LRRC7: variants seen among roughly 807,000 people sequenced by gnomAD.
The protein encoded by LRRC7 is leucine-rich repeat-containing protein 7.
A neutral mutation model predicts 175.7 loss-of-function variants in LRRC7; 23 were observed. The observed-to-expected ratio is 0.13, with a 90% confidence interval of 0.09 to 0.19. The LOEUF (loss-of-function observed/expected upper bound fraction) is 0.19. LRRC7 is among the 10% of genes least tolerant of loss of function. The probability of loss-of-function intolerance (pLI) is 1.00; values close to 1 mark genes in which losing one functional copy is unlikely to be tolerated. For synonymous variants in LRRC7, 685 were observed against 680.9 expected (o/e 1.01, Z -0.09); for missense variants, 1,354 against 1,904.7 (o/e 0.71, Z 5.38).
At chr1:69,817,108 G>T (rs1300081388) in intron 4 of LRRC7, among the ~76,000 whole-genome samples, 2 of 151,854 alleles carry the variant, frequency 1.3e-5, no homozygotes, top group African/African-American at 4.8e-5. Context: ...ATTTTGTATA[G>T]TCCTACTTGC....
chr1:70,060,519 T>A (rs1187311856), intron 23 of LRRC7, among the ~76,000 whole-genome samples: 1 of 152,074 alleles, frequency 6.6e-6, no homozygotes, highest in Non-Finnish European at 1.5e-5. Context: ...GTCAAAAGGT[T>A]GGGGTGAATG....
intron 11 of LRRC7, among the ~76,000 whole-genome samples, chr1:69,996,915 G>A (rs1242227393): frequency 2.6e-5 from 4 of 152,096 alleles, no homozygotes; most frequent in Non-Finnish European, 5.9e-5. Context: ...CTTTCAAGTA[G>A]TTTTTTCCAA....
rs1287806460 is a variant in LRRC7, at chr1:69,690,330, A to G, written c.100+11852A>G. Among the ~76,000 whole-genome samples, 5 of 152,318 alleles carry G rather than the reference A, an allele frequency of 3.3e-5. No homozygotes were observed. The South Asian group carries it at 8.3e-4, about 25-fold the overall frequency. On this transcript the variant is annotated intron_variant, in intron 2 of 26. Coordinates refer to ENST00000651989, the MANE Select transcript of LRRC7 (RefSeq NM_001370785.2). ...AAGTCATAAAACTTCATTCAACATG[A>G]AAGTGTTTTCAGATCAATGGCCTCA...
intron 1 of LRRC7, among the ~76,000 whole-genome samples, chr1:69,637,238 G>A (rs940606611): frequency 6.6e-6 from 1 of 151,920 alleles, no homozygotes; most frequent in African/African-American, 2.4e-5. Flanking sequence ...GTCTTTAATA[G>A]CTCTAAATAA....
At chr1:69,718,142 GAGAA>G (rs761585823) in intron 2 of LRRC7, among the ~76,000 whole-genome samples, 1,106 of 73,760 alleles carry the variant, frequency 0.015, 17 homozygotes, top group East Asian at 0.049. Flanking sequence ...AAGAAAGAGA[GAGAA>G]AGAAAGAAAG....
chr1:69,575,658 T>G (rs1645915681), intron 1 of LRRC7, among the ~76,000 whole-genome samples: 1 of 152,204 alleles, frequency 6.6e-6, no homozygotes, highest in South Asian at 2.1e-4. Context: ...AAATGTTCTT[T>G]TTAAATCATT....
intron 7 of LRRC7, among the ~76,000 whole-genome samples, chr1:69,925,993 A>G (rs1388557111): frequency 6.6e-6 from 1 of 151,368 alleles, no homozygotes; most frequent in Non-Finnish European, 1.5e-5. Flanking sequence ...AGATTCTGGT[A>G]TGTTGTGTCT....
chr1:70,018,696 A>C, intron 14 of LRRC7, 23 bp from the exon 15 acceptor site: 1 of 1,547,496 alleles, frequency 6.5e-7, no homozygotes, highest in East Asian at 2.3e-5. Context: ...TATTCATCTA[A>C]TTTGTATGTT....
chr1:69,588,497 A>G (rs924222048), intron 1 of LRRC7, among the ~76,000 whole-genome samples: 38 of 152,178 alleles, frequency 2.5e-4, no homozygotes, highest in African/African-American at 9.2e-4. Context: ...TAAATTGAAT[A>G]GATAAATATA....
At chr1:70,119,733 A>G (rs188216008) in intron 26 of LRRC7, among the ~76,000 whole-genome samples, 2 of 151,990 alleles carry the variant, frequency 1.3e-5, no homozygotes, top group African/African-American at 4.8e-5. Context: ...ATCCTAGAAA[A>G]TTTTTTATTT....
At chr1:69,655,545 G>C (rs573258999) in intron 1 of LRRC7, among the ~76,000 whole-genome samples, 95 of 152,172 alleles carry the variant, frequency 6.2e-4, no homozygotes, top group African/African-American at 2.1e-3. Context: ...AAGACTCCTA[G>C]TAACTTTGGC....
intron 2 of LRRC7, among the ~76,000 whole-genome samples, chr1:69,726,382 A>G (rs1666978861): frequency 6.6e-6 from 1 of 152,232 alleles, no homozygotes; most frequent in African/African-American, 2.4e-5. Flanking sequence ...TTAGATAGAA[A>G]TGTAAAGATT....
At chr1:69,955,266 T>C (rs551304985) in intron 8 of LRRC7, among the ~76,000 whole-genome samples, 4 of 152,188 alleles carry the variant, frequency 2.6e-5, no homozygotes, top group South Asian at 2.1e-4. Context: ...ATATTAATCA[T>C]GTGCACTCAG....
At position 70,136,566 on chromosome 1, in the gene LRRC7, C is replaced by T. The variant is rs1341959245; in HGVS notation, c.*14679C>T. Among the ~76,000 whole-genome samples, 1 of 152,050 alleles carries T rather than the reference C, an allele frequency of 6.6e-6. No individual in the cohort carries two copies. Among genetic ancestry groups the T allele is most frequent in the Admixed American group, 6.6e-5 (1 of 15,258 alleles). ...ATAAATAAGCCATGGTCCTACCCCT[C>T]AAGAAACACAGTCTAGTGGGGAGAC... On this transcript the variant is annotated 3_prime_UTR_variant, in exon 27 of 27. Coordinates refer to ENST00000651989, the MANE Select transcript of LRRC7 (RefSeq NM_001370785.2).
rs748826449 is a variant in LRRC7 at position 70,135,655 on chromosome 1, T to A, written c.*13768T>A. Among the ~76,000 whole-genome samples the A allele has an allele frequency of 2.0e-5, 3 of 152,218 alleles. No homozygotes were observed. Among genetic ancestry groups the A allele is most frequent in the African/African-American group, 7.2e-5 (3 of 41,454 alleles). ...ATATTCAAGACTTCACTTTTATTGA[T>A]GATCATTAAGCTAGAATCTGTAAAA... On this transcript the variant is annotated 3_prime_UTR_variant, in exon 27 of 27. Transcript: ENST00000651989.
chr1:69,656,610 C>A (rs1457987303), intron 1 of LRRC7, among the ~76,000 whole-genome samples: 1 of 151,962 alleles, frequency 6.6e-6, no homozygotes, highest in East Asian at 1.9e-4. Flanking sequence ...GTTAAAACTG[C>A]AGGTGTTATA....
intron 7 of LRRC7, among the ~76,000 whole-genome samples, chr1:69,861,060 T>C (rs1368536865): frequency 1.3e-5 from 2 of 151,942 alleles, no homozygotes; most frequent in Non-Finnish European, 2.9e-5. Context: ...GAAAACACTC[T>C]CATTTTATAA....
intron 3 of LRRC7, among the ~76,000 whole-genome samples, chr1:69,780,425 T>C (rs1673351699): frequency 6.6e-6 from 1 of 152,038 alleles, no homozygotes; most frequent in Non-Finnish European, 1.5e-5. Flanking sequence ...TGCCTGTCAC[T>C]GAGTAGATGT....
chr1:69,740,113 G>A (rs1051596482), intron 2 of LRRC7, among the ~76,000 whole-genome samples: 7 of 152,056 alleles, frequency 4.6e-5, no homozygotes, highest in African/African-American at 1.2e-4. Context: ...AATGATTTAC[G>A]ATGGCTCTAC....
Sources: gnomAD v4.1 joint callset for allele counts (sites outside exome capture counted in the v4.1 genomes callset) on GRCh38, gnomAD v4.1.1 for gene constraint, MANE v1.5 for transcripts, NCBI Gene and HGNC (gene_info 2026-07-23, HGNC 2026-07-21) for gene names.